Variants in KIF1B observed in about 807,000 individuals in gnomAD.
KIF1B encodes kinesin-like protein KIF1B.
Under a neutral mutation model 241.9 loss-of-function variants are expected in KIF1B, and 76 were observed. That is an observed-to-expected ratio of 0.31 (90% CI 0.26 to 0.38). The LOEUF is 0.38. Among genes scored for constraint, KIF1B ranks in the 10% least tolerant of loss-of-function variants. KIF1B has a pLI of 1.00. For synonymous variants in KIF1B, 750 were observed against 796.7 expected (o/e 0.94, Z 0.99); for missense variants, 1,622 against 2,271.4 (o/e 0.71, Z 5.81).
rs548934834 is a variant in KIF1B, at chr1:10,246,379, A to G, written c.107-9868A>G. On this transcript the variant is annotated intron_variant, in intron 2 of 48. Transcript: ENST00000676179. ...TTTTGCCATTTCTACTCTAGTCAAG[A>G]TAAGTACTGCAATAGCCTCCTGTCT... Among the ~76,000 whole-genome samples the G allele has an allele frequency of 3.3e-5, 5 of 152,296 alleles. No individual in the cohort carries two copies. The South Asian group carries it at 6.2e-4, about 19-fold the overall frequency.
intron 26 of KIF1B, among the ~76,000 whole-genome samples, chr1:10,325,444 A>G (rs981076664): frequency 6.6e-6 from 1 of 152,182 alleles, no homozygotes; most frequent in Non-Finnish European, 1.5e-5. Context: ...GAGGTTTTCA[A>G]ATTTTCAAAG....
rs369270591 is a variant in KIF1B at position 10,376,527 on chromosome 1, C to T, written c.5409-18C>T. ...GTACCCAGACTTCTAATCCTACCTC[C>T]CCGTTTGTCCCCCATAGGTCAAAGC... On this transcript the variant is annotated intron_variant, in intron 48 of 48. Transcript: ENST00000676179. The T allele has an allele frequency of 5.0e-6, 8 of 1,613,582 alleles. No individual in the cohort carries two copies. Among genetic ancestry groups the T allele is most frequent in the East Asian group, 2.2e-5 (1 of 44,894 alleles).
chr1:10,355,580 C>T (rs1652946475), intron 38 of KIF1B, among the ~76,000 whole-genome samples: 1 of 152,154 alleles, frequency 6.6e-6, no homozygotes, highest in African/African-American at 2.4e-5. Context: ...TTTAGAGTTT[C>T]AAATTATTTT....
At chr1:10,278,799 A>G (rs781723123) in intron 13 of KIF1B, 6 of 326,460 alleles carry the variant, frequency 1.8e-5, no homozygotes, top group Middle Eastern at 9.1e-4. Flanking sequence ...AAATGGATTC[A>G]TATAGGAATA....
chr1:10,259,187 G>GTATTATT (rs1448727533), intron 4 of KIF1B, among the ~76,000 whole-genome samples: 2 of 146,556 alleles, frequency 1.4e-5, no homozygotes, highest in East Asian at 3.9e-4. Flanking sequence ...TAGTATTATT[G>GTATTATT]GGTTTGATCC....
At chr1:10,308,509 G>A (rs1052090808) in intron 22 of KIF1B, 1 of 1,030,746 alleles carries the variant, frequency 9.7e-7, no homozygotes. Context: ...GTCTTTGAGT[G>A]TAAGATCTGC....
At chr1:10,358,697 A>C (rs115733504) in intron 38 of KIF1B, among the ~76,000 whole-genome samples, 3,970 of 151,962 alleles carry the variant, frequency 0.026, 205 homozygotes, top group African/African-American at 0.09. Context: ...AAAAAAAAAA[A>C]AAAACAGATC....
At chr1:10,348,773 A>T in intron 37 of KIF1B, 40 bp downstream of exon 37, 3 of 1,534,280 alleles carry the variant, frequency 2.0e-6, no homozygotes, top group Non-Finnish European at 2.7e-6. Context: ...ACCAGGACTT[A>T]CAGAGATTTT....
rs1652222198 is a variant in KIF1B, at chr1:10,337,470, G to A, written c.3359G>A (p.Arg1120Gln). ...HLKLGSAFTF[R>Q]VTVLQASGIL... ...AAACTGGGCAGTGCCTTCACTTTCC[G>A]AGTAACAGTGTTGCAGGCCAGTGGA... The change falls in exon 31 of 49, where the codon CGA (arginine) becomes CAA (glutamine). Residue 1120 changes from arginine (R) to glutamine (Q), a missense_variant. By Grantham distance (43) the Arg-to-Gln change is conservative. Coordinates refer to ENST00000676179, the MANE Select transcript of KIF1B (RefSeq NM_001365951.3). The surrounding 1 kb of genome is among the most constrained non-coding windows in gnomAD (Gnocchi z 4.0). The A allele has an allele frequency of 6.2e-7, 1 of 1,614,114 alleles. No individual in the cohort carries two copies. The highest frequency in any genetic ancestry group is 1.1e-5 in the South Asian group (1 of 91,074).
chr1:10,259,468 C>A (rs1389822019), intron 4 of KIF1B, among the ~76,000 whole-genome samples: 1 of 150,046 alleles, frequency 6.7e-6, no homozygotes, highest in Non-Finnish European at 1.5e-5. Flanking sequence ...CCATGTGCCA[C>A]CACACCTAGC....
At chr1:10,291,299 C>A in intron 16 of KIF1B, 138 bp downstream of exon 16, 1 of 653,566 alleles carries the variant, frequency 1.5e-6, no homozygotes, top group Non-Finnish European at 2.7e-6. Context: ...AAAAAATGGA[C>A]AGGGATTTAT....
chr1:10,315,051 C>CTT (rs2102287473), intron 22 of KIF1B, among the ~76,000 whole-genome samples: 1 of 148,906 alleles, frequency 6.7e-6, no homozygotes, highest in Non-Finnish European at 1.5e-5. Context: ...GAAAAAAAAA[C>CTT]TATAATGAAC....
rs1366821632 is a variant in KIF1B at position 10,381,325 on chromosome 1, T to G, written c.*4738T>G. Reference sequence around the variant, plus strand: ...CTTTTTGAACCAAGACTTTGCAAACTGATCTCTCCCCCGTGAAGGAGTTGA... The same window carrying G: ...CTTTTTGAACCAAGACTTTGCAAACGGATCTCTCCCCCGTGAAGGAGTTGA... On this transcript the variant is annotated 3_prime_UTR_variant, in exon 49 of 49. Coordinates refer to ENST00000676179, the MANE Select transcript of KIF1B (RefSeq NM_001365951.3). 8.4e-5 allele frequency: 19 copies of G among 226,536 alleles called. No individual in the cohort carries two copies. The allele number at this position is 226,536 out of a possible 1,614,324, so 14.0% of individuals were successfully genotyped here. A position where few individuals can be genotyped will look rare whatever the true frequency, so the allele number is the denominator to read the frequency against.
At chr1:10,361,534 T>C (rs1334503887) in intron 39 of KIF1B, among the ~76,000 whole-genome samples, 158 bp from the exon 40 acceptor site, 2 of 152,258 alleles carry the variant, frequency 1.3e-5, no homozygotes, top group African/African-American at 2.4e-5. Context: ...TACCTACTCT[T>C]GCACATATTA....
chr1:10,306,318 G>A (rs1458718621), intron 22 of KIF1B: 2 of 1,047,338 alleles, frequency 1.9e-6, no homozygotes, highest in Non-Finnish European at 2.3e-6. Context: ...CATTTGGTTT[G>A]AATGTACTTG....
At chr1:10,292,850 T>C (rs1650069779) in intron 17 of KIF1B, among the ~76,000 whole-genome samples, 1 of 152,202 alleles carries the variant, frequency 6.6e-6, no homozygotes, top group Admixed American at 6.5e-5. Context: ...GGAGAACATA[T>C]ATCGATGTAC....
Position 10,361,801 on chromosome 1 carries a change from G to A in KIF1B, c.4280G>A (p.Ser1427Asn), listed in dbSNP as rs755113137. The change falls in exon 40 of 49, where the codon AGC becomes AAC. Residue 1427 changes from serine (S) to asparagine (N), a missense_variant. Coordinates refer to ENST00000676179, the MANE Select transcript of KIF1B (RefSeq NM_001365951.3). ...CGCTCTCTGCGTAGCCTCTTTGGCA[G>A]CGGCTACTCAAAGTCACCAGATTCG... is the stretch of plus-strand genomic sequence containing the variant. ...PPRSLRSLFG[S>N]GYSKSPDSNR... 1.9e-6 allele frequency: 3 copies of A among 1,613,970 alleles called. No individual in the cohort carries two copies. The highest frequency in any genetic ancestry group is 2.5e-6 in the Non-Finnish European group (3 of 1,180,040).
At chr1:10,229,867 C>CA (rs58923572) in intron 1 of KIF1B, among the ~76,000 whole-genome samples, 2,285 of 56,256 alleles carry the variant, frequency 0.041, 233 homozygotes, top group African/African-American at 0.098. Context: ...GACTCCGTCT[C>CA]AAAAAAAAAA....
intron 5 of KIF1B, among the ~76,000 whole-genome samples, chr1:10,262,924 G>C (rs1648228606): frequency 6.6e-6 from 1 of 152,088 alleles, no homozygotes; most frequent in Non-Finnish European, 1.5e-5. Context: ...TGTTTACCCT[G>C]GCTCTTTCAT....
Sources: allele counts gnomAD v4.1 joint callset (sites outside exome capture counted in the v4.1 genomes callset), GRCh38; gene constraint gnomAD v4.1.1; non-coding constraint Gnocchi (gnomAD v3.1); transcripts MANE v1.5; gene names NCBI Gene and HGNC (gene_info 2026-07-23, HGNC 2026-07-21).